The following MTUS2 variants were observed in gnomAD, a reference collection of about 807,000 sequenced individuals.
The protein encoded by MTUS2 is microtubule associated scaffold protein 2.
Under a neutral mutation model 114.1 loss-of-function variants are expected in MTUS2, and 40 were observed. The ratio of observed to expected loss-of-function variants is 0.35; its 90% CI spans 0.27 to 0.46. The LOEUF (loss-of-function observed/expected upper bound fraction) is 0.46, where lower values mean the gene tolerates loss of function less well. MTUS2 is among the 20% of genes least tolerant of loss of function. The pLI is 1.00. For missense variants in MTUS2, 1,679 were observed against 1,705.4 expected (o/e 0.98, Z 0.27); for synonymous variants, 688 against 672.0 (o/e 1.02, Z -0.37).
intron 8 of MTUS2, among the ~76,000 whole-genome samples, chr13:29,436,012 G>A (rs932522501): frequency 3.9e-5 from 6 of 152,170 alleles, no homozygotes; most frequent in Admixed American, 2.0e-4. Flanking sequence ...ACAGACTAAT[G>A]TGCAACTCAC....
intron 5 of MTUS2, among the ~76,000 whole-genome samples, chr13:29,194,232 A>G (rs1020512625): frequency 6.6e-6 from 1 of 152,050 alleles, no homozygotes; most frequent in Non-Finnish European, 1.5e-5. Context: ...ACAAAAGACA[A>G]AATTGACAAA....
chr13:28,921,904 G>T (rs974937446), intron 2 of MTUS2, among the ~76,000 whole-genome samples: 1 of 152,218 alleles, frequency 6.6e-6, no homozygotes, highest in African/African-American at 2.4e-5. Flanking sequence ...ACTGCCAGGG[G>T]ATGGGGGAGA....
At chr13:29,409,795 G>A (rs944976903) in intron 8 of MTUS2, among the ~76,000 whole-genome samples, 3 of 142,622 alleles carry the variant, frequency 2.1e-5, no homozygotes, top group Admixed American at 6.9e-5. Context: ...TTCTTCATTC[G>A]TCTTTTTTTT....
At chr13:29,145,431 A>G (rs1566031396) in intron 5 of MTUS2, among the ~76,000 whole-genome samples, 1 of 152,096 alleles carries the variant, frequency 6.6e-6, no homozygotes, top group Non-Finnish European at 1.5e-5. Flanking sequence ...GAGGCAGGAG[A>G]ATTGCTCAAA....
chr13:29,377,964 A>G (rs1483597900), intron 8 of MTUS2, among the ~76,000 whole-genome samples: 1 of 152,248 alleles, frequency 6.6e-6, no homozygotes, highest in Non-Finnish European at 1.5e-5. Flanking sequence ...CTGTTGGTAT[A>G]CAGAACAACT....
chr13:28,936,848 T>C (rs1881928206), intron 2 of MTUS2, among the ~76,000 whole-genome samples: 1 of 152,216 alleles, frequency 6.6e-6, no homozygotes, highest in South Asian at 2.1e-4. Flanking sequence ...AAGTGTGCAG[T>C]GGGCAGGGGA....
At chr13:29,441,963 G>A (rs1186852214) in intron 9 of MTUS2, among the ~76,000 whole-genome samples, 1 of 152,108 alleles carries the variant, frequency 6.6e-6, no homozygotes, top group Non-Finnish European at 1.5e-5. Context: ...CCGGCTTTAG[G>A]GCCTGTCCTC....
At chr13:29,473,163 A>T (rs556172777) in intron 9 of MTUS2, among the ~76,000 whole-genome samples, 3 of 152,192 alleles carry the variant, frequency 2.0e-5, no homozygotes, top group Non-Finnish European at 4.4e-5. Context: ...TATATATATT[A>T]TATATACACA....
At chr13:28,973,837 C>G (rs1361690507) in intron 2 of MTUS2, among the ~76,000 whole-genome samples, 3 of 152,172 alleles carry the variant, frequency 2.0e-5, no homozygotes, top group Non-Finnish European at 4.4e-5. Context: ...ATTTTGATAC[C>G]TGATGTTACA....
intron 1 of MTUS2, among the ~76,000 whole-genome samples, chr13:28,832,638 T>C (rs1225052104): frequency 6.7e-6 from 1 of 148,410 alleles, no homozygotes; most frequent in East Asian, 1.9e-4. Flanking sequence ...TATAAATATA[T>C]ATAATATGAC....
At chr13:29,325,917 A>G (rs534464027) in intron 7 of MTUS2, among the ~76,000 whole-genome samples, 1 of 152,352 alleles carries the variant, frequency 6.6e-6, no homozygotes, top group African/African-American at 2.4e-5. Context: ...TGTGTCCCGG[A>G]CTTACATTGT....
chr13:29,227,743 AAG>A (rs1241495213), intron 5 of MTUS2, among the ~76,000 whole-genome samples: 2 of 152,248 alleles, frequency 1.3e-5, no homozygotes, highest in Non-Finnish European at 2.9e-5. Flanking sequence ...TCCACCAAAC[AAG>A]AGAGTCATGT....
chr13:28,994,577 T>C (rs1885008064), intron 2 of MTUS2, among the ~76,000 whole-genome samples: 1 of 152,244 alleles, frequency 6.6e-6, no homozygotes, highest in African/African-American at 2.4e-5. Context: ...TTCCTGACTT[T>C]TTAGTGATCG....
chr13:29,154,478 A>C (rs111336063), intron 5 of MTUS2, among the ~76,000 whole-genome samples: 1,798 of 152,338 alleles, frequency 0.012, 22 homozygotes, highest in Middle Eastern at 0.02. Flanking sequence ...TAAATCAATG[A>C]ACCATTAACC....
At chr13:29,154,072 C>G (rs975526257) in intron 5 of MTUS2, among the ~76,000 whole-genome samples, 2 of 152,182 alleles carry the variant, frequency 1.3e-5, no homozygotes, top group African/African-American at 2.4e-5. Context: ...GAGTTCGATT[C>G]ATTGTTACTG....
At chr13:29,288,830 T>G (rs1185372021) in intron 6 of MTUS2, among the ~76,000 whole-genome samples, 1 of 152,210 alleles carries the variant, frequency 6.6e-6, no homozygotes, top group African/African-American at 2.4e-5. Context: ...CCATAATGCC[T>G]GTCCATCATC....
intron 2 of MTUS2, among the ~76,000 whole-genome samples, chr13:28,962,953 C>A (rs986903847): frequency 1.3e-5 from 2 of 152,206 alleles, no homozygotes; most frequent in African/African-American, 4.8e-5. Flanking sequence ...AGTATCCCCC[C>A]TTTCTACTCT....
At chr13:29,005,655 G>A (rs562233430) in intron 2 of MTUS2, among the ~76,000 whole-genome samples, 5 of 152,302 alleles carry the variant, frequency 3.3e-5, no homozygotes, top group Non-Finnish European at 5.9e-5. Context: ...AAGGAAGCAG[G>A]GAACTCTGTA....
chr13:29,243,647 G>T (rs1038338063), intron 5 of MTUS2, among the ~76,000 whole-genome samples: 2 of 152,154 alleles, frequency 1.3e-5, no homozygotes, highest in Non-Finnish European at 2.9e-5. Context: ...ACACACTTGG[G>T]GTAGGGAGCC....
Sources: gnomAD v4.1 joint callset for allele counts (sites outside exome capture counted in the v4.1 genomes callset) on GRCh38, gnomAD v4.1.1 for gene constraint, MANE v1.5 for transcripts, NCBI Gene and HGNC (gene_info 2026-07-23, HGNC 2026-07-21) for gene names.